Variants in CORIN observed in about 807,000 individuals in gnomAD.
CORIN encodes atrial natriuretic peptide-converting enzyme.
A neutral mutation model predicts 125.3 loss-of-function variants in CORIN; 117 were observed. The observed-to-expected ratio is 0.93, with a 90% CI of 0.80 to 1.09. CORIN has a LOEUF of 1.09. Ranked by LOEUF, CORIN falls within the 50% of genes least tolerant of loss-of-function variation. The pLI, the probability that CORIN is intolerant of heterozygous loss-of-function variation, is 0.00. For missense variants in CORIN, 1,253 were observed against 1,306.7 expected, an observed-to-expected ratio of 0.96 and a Z score of 0.63; for synonymous variants, 450 against 466.4, an observed-to-expected ratio of 0.96 and a Z score of 0.45.
chr4:47,728,297 C>T (rs1727692800), intron 5 of CORIN, among the ~76,000 whole-genome samples: 1 of 151,996 alleles, frequency 6.6e-6, no homozygotes, highest in African/African-American at 2.4e-5. Context: ...TCAAAAAGAA[C>T]TGATTAAGCT....
chr4:47,760,431 T>C (rs755161638), intron 4 of CORIN, among the ~76,000 whole-genome samples: 10 of 152,358 alleles, frequency 6.6e-5, no homozygotes, highest in South Asian at 4.1e-4. Flanking sequence ...CATTGAGTGT[T>C]CTTGGTGCTT....
chr4:47,700,688 C>G (rs1472427668), intron 5 of CORIN, among the ~76,000 whole-genome samples: 1 of 152,204 alleles, frequency 6.6e-6, no homozygotes, highest in Non-Finnish European at 1.5e-5. Context: ...GCCATGGTCC[C>G]CAGGGTCCAG....
At chr4:47,823,371 C>T (rs899941142) in intron 1 of CORIN, among the ~76,000 whole-genome samples, 5 of 152,158 alleles carry the variant, frequency 3.3e-5, no homozygotes, top group Non-Finnish European at 5.9e-5. Context: ...TCAGCCATTT[C>T]TCCAAGGATC....
chr4:47,780,528 A>G (rs1282617401), intron 3 of CORIN, among the ~76,000 whole-genome samples: 1 of 152,176 alleles, frequency 6.6e-6, no homozygotes, highest in Non-Finnish European at 1.5e-5. Flanking sequence ...CAGAACAGCA[A>G]AGTAAGATCC....
chr4:47,768,844 C>T (rs1019501764), intron 3 of CORIN, among the ~76,000 whole-genome samples: 28 of 152,142 alleles, frequency 1.8e-4, no homozygotes, highest in African/African-American at 6.3e-4. Context: ...AGGCCATCTA[C>T]GACAAACCCA....
At chr4:47,649,632 A>C (rs183054012) in intron 13 of CORIN, among the ~76,000 whole-genome samples, 44 of 152,358 alleles carry the variant, frequency 2.9e-4, no homozygotes, top group Admixed American at 7.2e-4. Context: ...AACGTCACAC[A>C]GCCTCTAAGG....
chr4:47,723,410 A>G (rs1315721044), intron 5 of CORIN, among the ~76,000 whole-genome samples: 1 of 152,188 alleles, frequency 6.6e-6, no homozygotes, highest in Non-Finnish European at 1.5e-5. Flanking sequence ...AGCTTTGAGA[A>G]GTAAGCAACA....
intron 5 of CORIN, among the ~76,000 whole-genome samples, chr4:47,731,662 A>G (rs1727878579): frequency 6.6e-6 from 1 of 152,126 alleles, no homozygotes; most frequent in Non-Finnish European, 1.5e-5. Context: ...CAAGGTCAGG[A>G]GTTCGAGACT....
At chr4:47,626,692 C>CT (rs1269025137) in intron 16 of CORIN, among the ~76,000 whole-genome samples, 171 bp from the exon 17 acceptor site, 22 of 152,264 alleles carry the variant, frequency 1.4e-4, no homozygotes, top group Admixed American at 1.2e-3. Flanking sequence ...GTCATTCTCC[C>CT]TGCTGACCTG....
chr4:47,777,145 G>T (rs562525779), intron 3 of CORIN, among the ~76,000 whole-genome samples: 12 of 152,122 alleles, frequency 7.9e-5, no homozygotes, highest in Admixed American at 4.6e-4. Context: ...CATCTTTATA[G>T]TCCATAGAGC....
intron 1 of CORIN, among the ~76,000 whole-genome samples, chr4:47,833,760 A>G (rs1316638118): frequency 1.3e-5 from 2 of 152,218 alleles, no homozygotes; most frequent in Admixed American, 6.5e-5. Flanking sequence ...CTAAATAGAC[A>G]TTACTCCAAA....
intron 1 of CORIN, among the ~76,000 whole-genome samples, chr4:47,833,007 C>T (rs1733132484): frequency 6.6e-6 from 1 of 151,982 alleles, no homozygotes; most frequent in African/African-American, 2.4e-5. Context: ...TCTAGAGTCA[C>T]AGAAAGCTGC....
chr4:47,768,015 AAAG>A (rs1262933589), intron 3 of CORIN, among the ~76,000 whole-genome samples: 1 of 152,208 alleles, frequency 6.6e-6, no homozygotes, highest in East Asian at 1.9e-4. Flanking sequence ...AAGAATCACA[AAAG>A]AAGTGAAAAT....
chr4:47,800,279 T>C (rs1318839009), intron 2 of CORIN, among the ~76,000 whole-genome samples: 1 of 151,726 alleles, frequency 6.6e-6, no homozygotes, highest in Non-Finnish European at 1.5e-5. Flanking sequence ...AATTAACTAA[T>C]AATTAATTAA....
At chr4:47,599,747 G>A (rs1348960595) in intron 21 of CORIN, among the ~76,000 whole-genome samples, 1 of 152,178 alleles carries the variant, frequency 6.6e-6, no homozygotes, top group Non-Finnish European at 1.5e-5. Flanking sequence ...CCCTGAGACA[G>A]AGGTAGTCCT....
At position 47,680,031 on chromosome 4, in the gene CORIN, T is replaced by A. The variant is rs1433934208; in HGVS notation, c.1132+110A>T. The stretch of plus-strand genomic sequence containing the variant: ...GAACCAAAGCATAAGAATCTTTCCC[T>A]TGGAATGCTGTGTATATAGTGAGTC... On this transcript the variant is annotated intron_variant, in intron 8 of 21. Coordinates refer to ENST00000273857, the MANE Select transcript of CORIN (RefSeq NM_006587.4). 3 of 646,938 alleles carry A rather than the reference T, an allele frequency of 4.6e-6. No homozygotes were observed. The East Asian group carries it at 8.6e-5, about 19-fold the overall frequency. 40.1% of individuals were successfully genotyped at this position (646,938 alleles called of 1,614,324 possible).
chr4:47,814,373 CT>C (rs1307189839), intron 1 of CORIN, among the ~76,000 whole-genome samples: 2 of 152,034 alleles, frequency 1.3e-5, no homozygotes, highest in Admixed American at 6.6e-5. Flanking sequence ...GATTTGTGTT[CT>C]TTTTTCAGTC....
At chr4:47,814,695 A>G (rs1732193662) in intron 1 of CORIN, among the ~76,000 whole-genome samples, 1 of 152,156 alleles carries the variant, frequency 6.6e-6, no homozygotes, top group East Asian at 1.9e-4. Context: ...TATCCCAGGA[A>G]GCATAAAGAA....
intron 2 of CORIN, among the ~76,000 whole-genome samples, chr4:47,796,696 T>G (rs752118650): frequency 2.0e-5 from 3 of 152,086 alleles, no homozygotes; most frequent in Non-Finnish European, 4.4e-5. Context: ...CTCATCAAGT[T>G]GTGATACATT....
Sources: allele counts gnomAD v4.1 joint callset (sites outside exome capture counted in the v4.1 genomes callset), GRCh38; gene constraint gnomAD v4.1.1; transcripts MANE v1.5; gene names NCBI Gene and HGNC (gene_info 2026-07-23, HGNC 2026-07-21).